The following RIN3 variants were observed in gnomAD, a reference collection of about 807,000 sequenced individuals.
The protein encoded by RIN3 is Ras and Rab interactor 3, also known as RAB5 interacting protein 3.
In RIN3, 54 loss-of-function variants were observed where a neutral mutation model predicts 76.3. That is an observed-to-expected ratio of 0.71 (90% confidence interval 0.57 to 0.89). The LOEUF is 0.89. Among genes scored for constraint, RIN3 ranks in the 40% least tolerant of loss-of-function variants. RIN3 has a pLI of 0.00. For synonymous variants in RIN3, 576 were observed against 564.0 expected (o/e 1.02, Z -0.30); for missense variants, 1,256 against 1,322.1 (o/e 0.95, Z 0.78).
At chr14:92,554,559 A>G (rs1033026608) in intron 1 of RIN3, among the ~76,000 whole-genome samples, 14 of 152,234 alleles carry the variant, frequency 9.2e-5, no homozygotes, top group Non-Finnish European at 1.8e-4. Flanking sequence ...GTCATTTTAT[A>G]TATTCTGGCA....
intron 3 of RIN3, among the ~76,000 whole-genome samples, chr14:92,579,423 G>A (rs926751406): frequency 6.6e-6 from 1 of 152,204 alleles, no homozygotes; most frequent in Non-Finnish European, 1.5e-5. Flanking sequence ...GAGGTTAATG[G>A]CAAGATGGAA....
intron 2 of RIN3, among the ~76,000 whole-genome samples, chr14:92,562,387 G>T (rs1897802322): frequency 6.6e-6 from 1 of 152,178 alleles, no homozygotes; most frequent in Non-Finnish European, 1.5e-5. Flanking sequence ...AAGGCAGTCG[G>T]TGTGCTCAGC....
At chr14:92,573,628 A>T (rs955976538) in intron 2 of RIN3, among the ~76,000 whole-genome samples, 2 of 152,216 alleles carry the variant, frequency 1.3e-5, no homozygotes, top group African/African-American at 4.8e-5. Flanking sequence ...CTCATTATGA[A>T]TAATAAAAGA....
intron 3 of RIN3, among the ~76,000 whole-genome samples, chr14:92,599,492 G>A (rs1300092180): frequency 6.6e-6 from 1 of 152,208 alleles, no homozygotes; most frequent in African/African-American, 2.4e-5. Context: ...CTGTGGGACA[G>A]CATCACCCCA....
intron 3 of RIN3, among the ~76,000 whole-genome samples, chr14:92,610,264 A>G (rs1384928785): frequency 6.6e-6 from 1 of 152,154 alleles, no homozygotes; most frequent in African/African-American, 2.4e-5. Flanking sequence ...ATAGTTTACC[A>G]TTATAAAAAG....
chr14:92,651,828 G>T lies in RIN3; in HGVS notation c.779G>T (p.Arg260Leu). The change falls in exon 6 of 10, where the codon CGC becomes CTC. Residue 260 changes from arginine to leucine, a missense_variant. Transcript: ENST00000216487. Reference sequence around the variant, plus strand: ...CCACCTCTTGGAAATTGCCCTGCACGCCCTTTGCCGCCCACCTCTGATGCC... The same window carrying T: ...CCACCTCTTGGAAATTGCCCTGCACTCCCTTTGCCGCCCACCTCTGATGCC... The part of the protein sequence containing the change: ...DQPPLGNCPA[R>L]PLPPTSDATS... 1 of 1,612,238 alleles carries T rather than the reference G, an allele frequency of 6.2e-7. No individual in the cohort carries two copies. Among genetic ancestry groups the T allele is most frequent in the Non-Finnish European group, 8.5e-7 (1 of 1,178,798 alleles).
rs1262333438 is a variant in RIN3, at chr14:92,687,995, C to T, written c.2701C>T (p.Gln901Ter). The T allele has an allele frequency of 6.4e-7, 1 of 1,568,534 alleles. No individual in the cohort carries two copies. The highest frequency in any genetic ancestry group is 8.6e-7 in the Non-Finnish European group (1 of 1,158,352). The change falls in exon 10 of 10, where the codon CAG (glutamine) becomes TAG (stop). Residue 901 changes from glutamine to a stop codon, truncating the protein, a stop_gained. Transcript: ENST00000216487. LOFTEE classifies it high-confidence loss of function. ...ARTLASRADT[Q>*]AQALCAQCAE... is the part of the protein sequence containing the mutation. ...GACGCTGGCGTCGCGGGCGGACACC[C>T]AGGCCCAGGCGCTGTGCGCGCAGTG...
intron 4 of RIN3, 199 bp downstream of exon 4, chr14:92,615,678 G>T: frequency 3.5e-6 from 2 of 579,708 alleles, no homozygotes; most frequent in South Asian, 4.2e-5. Flanking sequence ...TCTGATAAGA[G>T]CCCCTCCCTT....
chr14:92,563,168 T>C (rs1897821552), intron 2 of RIN3, among the ~76,000 whole-genome samples: 1 of 152,172 alleles, frequency 6.6e-6, no homozygotes, highest in Admixed American at 6.5e-5. Flanking sequence ...AAGACTAGCC[T>C]GGCCAACATG....
At chr14:92,661,723 TCACACACACACACACA>T (rs778646491) in intron 7 of RIN3, among the ~76,000 whole-genome samples, 95 of 134,962 alleles carry the variant, frequency 7.0e-4, no homozygotes, top group African/African-American at 2.7e-3. Context: ...TGAGACTCTG[TCACACACACACACACA>T]CACACACACA....
Position 92,544,692 on chromosome 14 carries a change from G to T in RIN3, c.45-11059G>T, listed in dbSNP as rs552336258. On this transcript the variant is annotated intron_variant, in intron 1 of 9. Transcript: ENST00000216487. ...CATGCTCTGGGACCCGGGGGTATGT[G>T]TGTTTATACATGAGAGCTTTTTTTT... 1.3e-3 allele frequency among the ~76,000 whole-genome samples: 201 copies of T among 150,070 alleles called. 1 individual carries two copies. The Middle Eastern group carries it at 0.017, about 13-fold the overall frequency.
chr14:92,554,386 T>C (rs991295329), intron 1 of RIN3, among the ~76,000 whole-genome samples: 4 of 152,134 alleles, frequency 2.6e-5, no homozygotes, highest in African/African-American at 7.2e-5. Context: ...AGTTTGACTT[T>C]GCTGTTTCTT....
At chr14:92,519,881 A>T (rs866122572) in intron 1 of RIN3, among the ~76,000 whole-genome samples, 4 of 152,190 alleles carry the variant, frequency 2.6e-5, no homozygotes, top group South Asian at 4.1e-4. Flanking sequence ...GTGGGAAGGC[A>T]TTACTATCTG....
intron 4 of RIN3, among the ~76,000 whole-genome samples, chr14:92,629,849 C>G (rs1446836051): frequency 1.3e-5 from 2 of 152,258 alleles, no homozygotes; most frequent in Admixed American, 6.5e-5. Context: ...AGACGCATCT[C>G]CAAAGTCCAC....
chr14:92,660,101 G>T (rs1034409543), intron 7 of RIN3, among the ~76,000 whole-genome samples: 1 of 152,246 alleles, frequency 6.6e-6, no homozygotes, highest in Non-Finnish European at 1.5e-5. Context: ...ATAAGGTTAA[G>T]GGTTAAGACT....
intron 2 of RIN3, among the ~76,000 whole-genome samples, chr14:92,557,471 C>A (rs1314326390): frequency 6.6e-6 from 1 of 152,226 alleles, no homozygotes; most frequent in African/African-American, 2.4e-5. Context: ...TTGTCTGCCT[C>A]CCAGGAAGAG....
intron 4 of RIN3, among the ~76,000 whole-genome samples, chr14:92,632,095 C>T (rs571204545): frequency 3.4e-4 from 52 of 152,206 alleles, no homozygotes; most frequent in African/African-American, 1.2e-3. Flanking sequence ...CAGGGTGACC[C>T]CAACCTCAGT....
chr14:92,556,907 A>G (rs964993899), intron 2 of RIN3, among the ~76,000 whole-genome samples: 3 of 152,158 alleles, frequency 2.0e-5, no homozygotes, highest in African/African-American at 7.2e-5. Context: ...AAAATTAGCC[A>G]TTTAAAAGTA....
At chr14:92,557,441 C>T (rs2140036928) in intron 2 of RIN3, among the ~76,000 whole-genome samples, 1 of 152,322 alleles carries the variant, frequency 6.6e-6, no homozygotes, top group Admixed American at 6.5e-5. Flanking sequence ...ATGGTCTCTC[C>T]CCTGCTGTGG....
Sources: allele counts gnomAD v4.1 joint callset (sites outside exome capture counted in the v4.1 genomes callset), GRCh38; gene constraint gnomAD v4.1.1; transcripts MANE v1.5; gene names NCBI Gene and HGNC (gene_info 2026-07-23, HGNC 2026-07-21).